Variants in SNX3 observed in about 807,000 individuals in gnomAD.
SNX3 encodes the protein sorting nexin 3.
A neutral mutation model predicts 17.7 loss-of-function variants in SNX3; 5 were observed. The observed-to-expected ratio is 0.28, with a 90% confidence interval of 0.15 to 0.59. The LOEUF (loss-of-function observed/expected upper bound fraction) is 0.59, where lower values mean the gene tolerates loss of function less well. Ranked by LOEUF, SNX3 falls within the 20% of genes least tolerant of loss-of-function variation. The pLI is 0.88. For missense variants in SNX3, 132 were observed against 206.8 expected, an observed-to-expected ratio of 0.64 and a Z score of 2.22; for synonymous variants, 91 against 76.5, an observed-to-expected ratio of 1.19 and a Z score of -0.99.
At chr6:108,227,329 G>C (rs1010809856) in intron 1 of SNX3, among the ~76,000 whole-genome samples, 1 of 152,096 alleles carries the variant, frequency 6.6e-6, no homozygotes, top group African/African-American at 2.4e-5. Flanking sequence ...CTTGCGAAAA[G>C]AGTCCCCTAA....
intron 1 of SNX3, among the ~76,000 whole-genome samples, chr6:108,259,282 G>A (rs1168926634): frequency 6.6e-6 from 1 of 152,216 alleles, no homozygotes; most frequent in Non-Finnish European, 1.5e-5. Context: ...TGCCCAGGCT[G>A]GAGTGCAATG....
chr6:108,259,523 C>T (rs552200245), intron 1 of SNX3, among the ~76,000 whole-genome samples: 5 of 152,310 alleles, frequency 3.3e-5, no homozygotes, highest in South Asian at 2.1e-4. Context: ...TGAGCCACCG[C>T]GCCCGGCCTA....
chr6:108,218,877 G>T (rs916648705), intron 2 of SNX3, among the ~76,000 whole-genome samples: 5 of 152,188 alleles, frequency 3.3e-5, no homozygotes, highest in African/African-American at 9.7e-5. Context: ...AGAAATCAGT[G>T]GTGTCTACTA....
chr6:108,231,089 ATCCTCCC>A (rs1169612131), intron 1 of SNX3, among the ~76,000 whole-genome samples: 1 of 150,984 alleles, frequency 6.6e-6, no homozygotes, highest in Non-Finnish European at 1.5e-5. Flanking sequence ...GGCTGGAGGG[ATCCTCCC>A]ACCTCTGGTG....
Position 108,212,250 on chromosome 6 carries a change from C to A in SNX3, c.388G>T (p.Ala130Ser). ...QGLEQFINKV[A>S]GHPLAQNERC... is the part of the protein sequence containing the mutation. The stretch of plus-strand genomic sequence containing the variant: ...TCGTTCTGTGCCAGAGGATGACCAG[C>A]GACCCTGAGAATAAAAAATATAAAT... The change falls in exon 4 of 4, where the codon GCT (alanine) becomes TCT (serine). Residue 130 changes from alanine (A) to serine (S), a missense_variant. Physicochemically the swap from Ala to Ser is moderately conservative, Grantham distance 99. Around this residue, in one of 2 missense-constraint regions of SNX3, gnomAD observed 54 missense variants for 118.0 expected, o/e 0.46. Transcript: ENST00000230085. 6.3e-7 allele frequency: 1 copy of A among 1,598,474 alleles called. No individual in the cohort carries two copies. Among genetic ancestry groups the A allele is most frequent in the Non-Finnish European group, 8.5e-7 (1 of 1,170,130 alleles).
At chr6:108,214,899 TCA>T (rs1030170647) in intron 2 of SNX3, among the ~76,000 whole-genome samples, 56 of 152,208 alleles carry the variant, frequency 3.7e-4, no homozygotes, top group Admixed American at 8.5e-4. Context: ...AAGAGAACAC[TCA>T]CAACACTGAA....
intron 1 of SNX3, among the ~76,000 whole-genome samples, chr6:108,246,910 T>C (rs1775709358): frequency 6.6e-6 from 1 of 152,120 alleles, no homozygotes; most frequent in African/African-American, 2.4e-5. Context: ...CATCAGAGTT[T>C]AGCATGGGAA....
chr6:108,254,257 T>C lies in SNX3; in HGVS notation c.162+6503A>G, dbSNP rs924222465. On this transcript the variant is annotated intron_variant, in intron 1 of 3. Transcript: ENST00000230085. ...GGCTCTGGGCAACCATGGTAAAACCTTGTCTGAGACAAGCCTGGGCAACAT... is the reference window on the plus strand; with the variant it reads ...GGCTCTGGGCAACCATGGTAAAACCCTGTCTGAGACAAGCCTGGGCAACAT... Among the ~76,000 whole-genome samples, 5 of 151,522 alleles carry C rather than the reference T, an allele frequency of 3.3e-5. No homozygotes were observed. In the East Asian group the frequency reaches 9.8e-4, roughly 30 times the overall value.
At chr6:108,221,376 T>A (rs1266801574) in intron 2 of SNX3, among the ~76,000 whole-genome samples, 1 of 151,812 alleles carries the variant, frequency 6.6e-6, no homozygotes. Context: ...TAATAGGATA[T>A]AAGCACCATA....
rs752260491 is a variant in SNX3, at chr6:108,223,019, T to G, written c.189A>C (p.Lys63Asn). The G allele has an allele frequency of 6.2e-7, 1 of 1,606,062 alleles. No homozygotes were observed. Among genetic ancestry groups the G allele is most frequent in the South Asian group, 1.1e-5 (1 of 90,040 alleles). Reference protein sequence around the residue: ...VKTNLPIFKLKESTVRRRYSD... With the variant: ...VKTNLPIFKLNESTVRRRYSD... ...TGTATCTTCTTCTAACAGTAGATTC[T>G]TTCAGCTTGAAAATAGGAAGATTTG... The change falls in exon 2 of 4, where the codon AAA becomes AAC. Residue 63 changes from lysine (K) to asparagine (N), a missense_variant. Transcript: ENST00000230085.
intron 1 of SNX3, among the ~76,000 whole-genome samples, chr6:108,236,035 G>C (rs1368767824): frequency 6.6e-6 from 1 of 152,094 alleles, no homozygotes; most frequent in Non-Finnish European, 1.5e-5. Flanking sequence ...CAATTATTCA[G>C]CAAGGAAAGT....
intron 2 of SNX3, among the ~76,000 whole-genome samples, chr6:108,220,980 AG>A (rs1188364348): frequency 7.2e-5 from 11 of 152,026 alleles, no homozygotes; most frequent in African/African-American, 1.2e-4. Context: ...AAAAAAAAAA[AG>A]ATGTTTTGAT....
chr6:108,222,776 A>C (rs1002723390), intron 2 of SNX3, among the ~76,000 whole-genome samples, 174 bp downstream of exon 2: 4 of 152,186 alleles, frequency 2.6e-5, no homozygotes, highest in Admixed American at 6.5e-5. Flanking sequence ...CAAGAGAAAG[A>C]GTTCTAAGGA....
intron 1 of SNX3, among the ~76,000 whole-genome samples, chr6:108,226,046 CAA>C (rs35559458): frequency 0.11 from 7,066 of 62,842 alleles, 156 homozygotes; most frequent in South Asian, 0.21. Context: ...CCCTCTCTCT[CAA>C]AAAAAAAAAA....
chr6:108,260,718 C>T (rs1210224283), intron 1 of SNX3, 42 bp downstream of exon 1: 1 of 1,611,308 alleles, frequency 6.2e-7, no homozygotes. Context: ...TGACCAGAGC[C>T]AGCGGGAGGG....
intron 1 of SNX3, among the ~76,000 whole-genome samples, chr6:108,229,241 C>T (rs978849700): frequency 8.2e-5 from 10 of 122,546 alleles, no homozygotes; most frequent in Non-Finnish European, 7.9e-5. Context: ...GCCTGGGCGA[C>T]AGAGCGAGAC....
At chr6:108,232,671 A>G (rs1230162534) in intron 1 of SNX3, among the ~76,000 whole-genome samples, 1 of 152,236 alleles carries the variant, frequency 6.6e-6, no homozygotes, top group Non-Finnish European at 1.5e-5. Context: ...CATCAAAAGT[A>G]TATTCAATAG....
intron 1 of SNX3, among the ~76,000 whole-genome samples, chr6:108,255,339 A>AT (rs906401325): frequency 1.4e-4 from 22 of 151,798 alleles, no homozygotes; most frequent in South Asian, 6.3e-4. Context: ...AAATGCCCTG[A>AT]TTTTTTTTTC....
rs375960263 is a variant in SNX3, at chr6:108,246,595, G to A, written c.162+14165C>T. ...TCCACCCGCCTCCACCTCCCAAAGT[G>A]CTGGGATTATAGGCGTGAGACACTG... On this transcript the variant is annotated intron_variant, in intron 1 of 3. Coordinates refer to ENST00000230085, the MANE Select transcript of SNX3 (RefSeq NM_003795.6). Among the ~76,000 whole-genome samples, 26 of 151,572 alleles carry A rather than the reference G, an allele frequency of 1.7e-4. No individual in the cohort carries two copies. The East Asian group carries it at 2.5e-3, about 15-fold the overall frequency.
Sources: allele counts gnomAD v4.1 joint callset (sites outside exome capture counted in the v4.1 genomes callset), GRCh38; gene constraint gnomAD v4.1.1; regional missense constraint gnomAD v4.1.1; transcripts MANE v1.5; gene names NCBI Gene and HGNC (gene_info 2026-07-23, HGNC 2026-07-21).